The following GRXCR1 variants were observed in gnomAD, a reference collection of about 807,000 sequenced individuals.
GRXCR1 encodes the protein glutaredoxin and cysteine rich domain containing 1, also known as glutaredoxin domain-containing cysteine-rich protein 1.
In GRXCR1, 27 loss-of-function variants were observed where a neutral mutation model predicts 27.3. That is an observed-to-expected ratio of 0.99 (90% CI 0.73 to 1.37). GRXCR1 has a LOEUF of 1.37. Among genes scored for constraint, GRXCR1 ranks in the 40% most tolerant of loss-of-function variants. The pLI is 0.00. For synonymous variants in GRXCR1, 122 were observed against 131.1 expected (o/e 0.93, Z 0.47); for missense variants, 379 against 354.4 (o/e 1.07, Z -0.56).
chr4:42,949,563 A>G (rs1163267786), intron 1 of GRXCR1, among the ~76,000 whole-genome samples: 1 of 152,078 alleles, frequency 6.6e-6, no homozygotes, highest in African/African-American at 2.4e-5. Context: ...CCTGTCACAT[A>G]CTTCTCTGTG....
intron 2 of GRXCR1, among the ~76,000 whole-genome samples, chr4:42,993,873 C>G (rs549080347): frequency 6.6e-6 from 1 of 152,098 alleles, no homozygotes; most frequent in Non-Finnish European, 1.5e-5. Flanking sequence ...ATGCTGTGTA[C>G]CTGAAGAGTG....
chr4:42,971,261 G>A (rs1748380645), intron 2 of GRXCR1, among the ~76,000 whole-genome samples: 1 of 152,120 alleles, frequency 6.6e-6, no homozygotes, highest in South Asian at 2.1e-4. Context: ...CTCTTCTTCT[G>A]AGCCCTCCAA....
At chr4:42,947,226 C>A (rs1747763929) in intron 1 of GRXCR1, among the ~76,000 whole-genome samples, 2 of 152,098 alleles carry the variant, frequency 1.3e-5, no homozygotes, top group Admixed American at 1.3e-4. Flanking sequence ...GGTCAGTGGA[C>A]AAAGCTGAGA....
At chr4:42,975,942 T>C (rs1241613775) in intron 2 of GRXCR1, among the ~76,000 whole-genome samples, 1 of 152,162 alleles carries the variant, frequency 6.6e-6, no homozygotes, top group African/African-American at 2.4e-5. Context: ...GATGCAGGCA[T>C]TAAGTATTCC....
At chr4:42,897,299 A>G (rs1746367300) in intron 1 of GRXCR1, among the ~76,000 whole-genome samples, 1 of 152,062 alleles carries the variant, frequency 6.6e-6, no homozygotes, top group African/African-American at 2.4e-5. Context: ...CATTTCAGAC[A>G]GCGATTTTTT....
At chr4:42,932,611 TATATATATAGAG>T (rs1280914925) in intron 1 of GRXCR1, among the ~76,000 whole-genome samples, 75 of 45,572 alleles carry the variant, frequency 1.6e-3, no homozygotes, top group Non-Finnish European at 2.7e-3. Context: ...TATATATATA[TATATATATAGAG>T]AGAGAGAGAG....
intron 1 of GRXCR1, among the ~76,000 whole-genome samples, chr4:42,928,646 G>A (rs561051113): frequency 1.4e-4 from 21 of 152,122 alleles, no homozygotes; most frequent in East Asian, 1.4e-3. Context: ...GCACATGGAA[G>A]CACACCAGAG....
At chr4:42,946,246 G>A (rs1165911324) in intron 1 of GRXCR1, among the ~76,000 whole-genome samples, 1 of 151,234 alleles carries the variant, frequency 6.6e-6, no homozygotes, top group African/African-American at 2.4e-5. Context: ...AATTGTTAAT[G>A]AGACAGGAAA....
intron 2 of GRXCR1, among the ~76,000 whole-genome samples, chr4:42,987,222 T>TATTATATATTTTATATATA (rs369022273): frequency 9.9e-6 from 1 of 100,594 alleles, no homozygotes; most frequent in African/African-American, 3.8e-5. Context: ...TATATATATA[T>TATTATATATTTTATATATA]TATATATTAT....
At chr4:43,011,027 G>A (rs9996004) in intron 2 of GRXCR1, among the ~76,000 whole-genome samples, 50,419 of 151,926 alleles carry the variant, frequency 0.33, 8,643 homozygotes, top group African/African-American at 0.41. Context: ...CTGAGCCCAC[G>A]ATGTCAAACC....
At chr4:42,958,970 T>TA in intron 1 of GRXCR1, among the ~76,000 whole-genome samples, 1 of 152,046 alleles carries the variant, frequency 6.6e-6, no homozygotes, top group South Asian at 2.1e-4. Flanking sequence ...ACACTGTTGG[T>TA]GGGAAGTAGA....
At chr4:42,976,164 G>T (rs1398365650) in intron 2 of GRXCR1, among the ~76,000 whole-genome samples, 1 of 151,978 alleles carries the variant, frequency 6.6e-6, no homozygotes, top group African/African-American at 2.4e-5. Context: ...AAAACCTGAG[G>T]CTTTAATTTA....
chr4:42,970,245 T>TTAG (rs1748354537), intron 2 of GRXCR1, among the ~76,000 whole-genome samples: 1 of 152,142 alleles, frequency 6.6e-6, no homozygotes, highest in African/African-American at 2.4e-5. Flanking sequence ...TGGTACAAGC[T>TTAG]GTCAGTGGAT....
intron 2 of GRXCR1, among the ~76,000 whole-genome samples, chr4:42,979,077 C>T (rs1748591089): frequency 2.3e-5 from 3 of 128,650 alleles, no homozygotes; most frequent in Non-Finnish European, 5.0e-5. Context: ...AATCAAACCT[C>T]TCTCTCCTTT....
At chr4:42,953,284 C>G (rs1747925492) in intron 1 of GRXCR1, among the ~76,000 whole-genome samples, 1 of 152,158 alleles carries the variant, frequency 6.6e-6, no homozygotes, top group South Asian at 2.1e-4. Flanking sequence ...TTCATGACTG[C>G]TTTCATGAAT....
chr4:42,981,594 T>G (rs1441121314), intron 2 of GRXCR1, among the ~76,000 whole-genome samples: 1 of 152,210 alleles, frequency 6.6e-6, no homozygotes, highest in African/African-American at 2.4e-5. Flanking sequence ...CTTGAAGAAC[T>G]TTGTCATTTC....
chr4:42,894,346 C>G (rs1174473970), intron 1 of GRXCR1, among the ~76,000 whole-genome samples: 1 of 151,694 alleles, frequency 6.6e-6, no homozygotes, highest in Non-Finnish European at 1.5e-5. Context: ...GGTATTGGGG[C>G]TTTTGACAAT....
chr4:42,893,398 T>C lies in GRXCR1; in HGVS notation c.132T>C (p.Ser44=), dbSNP rs1746277123. Residue 44 remains serine, a synonymous_variant, in exon 1 of 4, where the codon TCT becomes TCC. Transcript: ENST00000399770. Reference sequence around the variant, plus strand: ...GGCAACCGTCAGGCTCTCTGGATTCTGAATGTGCCAGTATCTGTGGGATAG... The same window carrying C: ...GGCAACCGTCAGGCTCTCTGGATTCCGAATGTGCCAGTATCTGTGGGATAG... ...EDGQPSGSLD[S]ECASICGIDG... is the part of the protein sequence containing the mutation. The C allele has an allele frequency of 6.2e-7, 1 of 1,613,842 alleles. No individual in the cohort carries two copies. Among genetic ancestry groups the C allele is most frequent in the Non-Finnish European group, 8.5e-7 (1 of 1,179,828 alleles).
intron 1 of GRXCR1, among the ~76,000 whole-genome samples, chr4:42,932,619 TAGAGAGAG>T (rs762758381): frequency 0.034 from 762 of 22,578 alleles, 31 homozygotes; most frequent in Admixed American, 0.046. Context: ...TATATATATA[TAGAGAGAG>T]AGAGAGAGAG....
Sources: gnomAD v4.1 joint callset for allele counts (sites outside exome capture counted in the v4.1 genomes callset) on GRCh38, gnomAD v4.1.1 for gene constraint, MANE v1.5 for transcripts, NCBI Gene and HGNC (gene_info 2026-07-23, HGNC 2026-07-21) for gene names.